Variants in CEP70 observed in about 807,000 individuals in gnomAD.
The protein encoded by CEP70 is centrosomal protein of 70 kDa.
A neutral mutation model predicts 90.9 loss-of-function variants in CEP70; 70 were observed. The ratio of observed to expected loss-of-function variants is 0.77; its 90% CI spans 0.64 to 0.94. CEP70 has a LOEUF of 0.94. Ranked by LOEUF, CEP70 falls within the 40% of genes least tolerant of loss-of-function variation. The probability of loss-of-function intolerance (pLI) is 0.00; values close to 1 mark genes in which losing one functional copy is unlikely to be tolerated. For missense variants in CEP70, 648 were observed against 669.0 expected, an observed-to-expected ratio of 0.97 and a Z score of 0.35; for synonymous variants, 220 against 228.3, an observed-to-expected ratio of 0.96 and a Z score of 0.33.
At chr3:138,556,911 T>G (rs1405628867) in intron 6 of CEP70, among the ~76,000 whole-genome samples, 1 of 152,176 alleles carries the variant, frequency 6.6e-6, no homozygotes, top group African/African-American at 2.4e-5. Context: ...TCATTGTCAT[T>G]GATAACATCT....
intron 6 of CEP70, among the ~76,000 whole-genome samples, chr3:138,548,238 T>C (rs2039362779): frequency 6.6e-6 from 1 of 152,184 alleles, no homozygotes; most frequent in Admixed American, 6.5e-5. Flanking sequence ...TCAATCAATG[T>C]AATACACCGC....
chr3:138,573,331 C>T (rs1239543999), intron 2 of CEP70, among the ~76,000 whole-genome samples: 1 of 148,366 alleles, frequency 6.7e-6, no homozygotes, highest in East Asian at 2.0e-4. Flanking sequence ...CAATGAAAGA[C>T]ATAAATCCAC....
In CEP70 at chr3:138,497,920, G is replaced by GT. The variant is rs768563992; in HGVS notation, c.1732+110dup. On this transcript the variant is annotated intron_variant, in intron 17 of 17. Coordinates refer to ENST00000264982, the MANE Select transcript of CEP70 (RefSeq NM_024491.4). ...GAATGTGTTTCCAGAACTGTTAGTG[G>GT]TTTCCAACCACTAGGTAAAAATACT... 377 of 1,521,684 alleles carry GT rather than the reference G, an allele frequency of 2.5e-4. 3 individuals are homozygous for GT. In the East Asian group the frequency reaches 8.3e-3, roughly 34 times the overall value. 94.3% of individuals were successfully genotyped at this position (1,521,684 alleles called of 1,614,324 possible).
intron 7 of CEP70, among the ~76,000 whole-genome samples, chr3:138,536,309 A>G (rs1188716066): frequency 2.0e-5 from 3 of 152,136 alleles, no homozygotes; most frequent in Admixed American, 1.3e-4. Flanking sequence ...GAATGAAAAC[A>G]CAACTTCTCT....
At chr3:138,578,807 G>C (rs1486664127) in intron 2 of CEP70, among the ~76,000 whole-genome samples, 1 of 152,180 alleles carries the variant, frequency 6.6e-6, no homozygotes, top group Non-Finnish European at 1.5e-5. Flanking sequence ...AGTTAATATT[G>C]AAGGCGGAGC....
chr3:138,529,848 C>G (rs1290742310), intron 8 of CEP70, among the ~76,000 whole-genome samples: 1 of 152,046 alleles, frequency 6.6e-6, no homozygotes, highest in African/African-American at 2.4e-5. Context: ...TTTTTTCCTT[C>G]TAGTACATTT....
At chr3:138,540,679 A>C (rs570133327) in intron 6 of CEP70, among the ~76,000 whole-genome samples, 4 of 152,348 alleles carry the variant, frequency 2.6e-5, no homozygotes, top group Non-Finnish European at 4.4e-5. Context: ...TGTGGAAAGC[A>C]GTATGGCAAT....
chr3:138,513,524 T>C (rs1035033554), intron 11 of CEP70, among the ~76,000 whole-genome samples: 8 of 150,740 alleles, frequency 5.3e-5, no homozygotes, highest in South Asian at 2.1e-4. Flanking sequence ...AGTGAGATGA[T>C]TCCCCCCATC....
chr3:138,568,901 C>T (rs924290182), intron 6 of CEP70, among the ~76,000 whole-genome samples: 1 of 151,948 alleles, frequency 6.6e-6, no homozygotes, highest in Non-Finnish European at 1.5e-5. Context: ...ATCGCTTCAA[C>T]CCGGGAGGCA....
chr3:138,513,019 A>T (rs1417740972), intron 11 of CEP70, among the ~76,000 whole-genome samples: 10 of 152,248 alleles, frequency 6.6e-5, no homozygotes. Context: ...ACCCAGCACC[A>T]GTGCCAAACT....
intron 2 of CEP70, among the ~76,000 whole-genome samples, chr3:138,582,633 G>A (rs1314877090): frequency 5.8e-5 from 8 of 137,382 alleles, no homozygotes; most frequent in Middle Eastern, 6.0e-3. Context: ...CTCTGGTGGC[G>A]TGTGCCTGTA....
intron 6 of CEP70, among the ~76,000 whole-genome samples, chr3:138,567,842 C>T (rs2040892483): frequency 6.6e-6 from 1 of 152,086 alleles, no homozygotes; most frequent in Non-Finnish European, 1.5e-5. Context: ...GTTTGTTTTT[C>T]ACTTGTTAGT....
chr3:138,539,383 C>T (rs1001485813), intron 6 of CEP70, among the ~76,000 whole-genome samples: 3 of 152,056 alleles, frequency 2.0e-5, no homozygotes, highest in East Asian at 3.9e-4. Flanking sequence ...CTTCCTAATC[C>T]CTGTCTGCCC....
At chr3:138,505,269 G>C (rs1344850420) in intron 13 of CEP70, 26 bp downstream of exon 13, 1 of 1,554,180 alleles carries the variant, frequency 6.4e-7, no homozygotes. Flanking sequence ...GATGTTCAAA[G>C]CATATAATCA....
intron 2 of CEP70, among the ~76,000 whole-genome samples, chr3:138,589,901 A>G (rs1211484219): frequency 6.6e-6 from 1 of 152,220 alleles, no homozygotes. Flanking sequence ...GAACTCAGAC[A>G]ATATTACTTC....
intron 2 of CEP70, among the ~76,000 whole-genome samples, chr3:138,578,344 G>A (rs145247135): frequency 1.3e-5 from 2 of 152,328 alleles, no homozygotes; most frequent in East Asian, 3.9e-4. Flanking sequence ...TACAGGCAGT[G>A]TCTGATGGTT....
At chr3:138,570,662 T>C (rs1373313858) in intron 5 of CEP70, among the ~76,000 whole-genome samples, 164 bp from the exon 6 acceptor site, 1 of 152,242 alleles carries the variant, frequency 6.6e-6, no homozygotes, top group African/African-American at 2.4e-5. Flanking sequence ...TTTTCAGATT[T>C]TGGAATATTT....
At chr3:138,499,661 G>T (rs1037988272) in intron 16 of CEP70, among the ~76,000 whole-genome samples, 1 of 152,042 alleles carries the variant, frequency 6.6e-6, no homozygotes, top group Non-Finnish European at 1.5e-5. Context: ...CCAAGGCTGG[G>T]CATGGTAGCT....
chr3:138,513,548 G>T (rs1290333927), intron 11 of CEP70, among the ~76,000 whole-genome samples: 1 of 152,202 alleles, frequency 6.6e-6, no homozygotes, highest in Non-Finnish European at 1.5e-5. Flanking sequence ...GTGTATGTCA[G>T]ACTGTTCCTC....
Sources: gnomAD v4.1 joint callset for allele counts (sites outside exome capture counted in the v4.1 genomes callset) on GRCh38, gnomAD v4.1.1 for gene constraint, MANE v1.5 for transcripts, NCBI Gene and HGNC (gene_info 2026-07-23, HGNC 2026-07-21) for gene names.